Variants in NR6A1 observed in about 807,000 individuals in gnomAD.
NR6A1 encodes the protein nuclear receptor subfamily 6 group A member 1.
In NR6A1, 7 loss-of-function variants were observed where a neutral mutation model predicts 59.1. The observed-to-expected ratio is 0.12, with a 90% CI of 0.07 to 0.22. The LOEUF (loss-of-function observed/expected upper bound fraction) is 0.22, where lower values mean the gene tolerates loss of function less well. Among genes scored for constraint, NR6A1 ranks in the 10% least tolerant of loss-of-function variants. NR6A1 has a pLI of 1.00. For synonymous variants in NR6A1, 243 were observed against 236.1 expected (o/e 1.03, Z -0.27); for missense variants, 468 against 611.6 (o/e 0.77, Z 2.48).
chr9:124,728,972 C>T (rs1174631747), intron 2 of NR6A1, among the ~76,000 whole-genome samples: 5 of 152,030 alleles, frequency 3.3e-5, no homozygotes, highest in East Asian at 1.9e-4. Flanking sequence ...TGTTCAAATA[C>T]GTGATGAGAA....
intron 2 of NR6A1, among the ~76,000 whole-genome samples, chr9:124,729,382 CT>C (rs1248530825): frequency 6.6e-6 from 1 of 151,814 alleles, no homozygotes; most frequent in South Asian, 2.1e-4. Flanking sequence ...GATCACTGTT[CT>C]TTTTTTTATC....
chr9:124,738,229 G>C (rs771701199), intron 1 of NR6A1, among the ~76,000 whole-genome samples: 5 of 152,110 alleles, frequency 3.3e-5, no homozygotes, highest in Non-Finnish European at 5.9e-5. Flanking sequence ...ACTCCAGCCT[G>C]GGCAACAGAG....
At chr9:124,612,997 G>T (rs1047517125) in intron 2 of NR6A1, among the ~76,000 whole-genome samples, 1 of 152,164 alleles carries the variant, frequency 6.6e-6, no homozygotes, top group African/African-American at 2.4e-5. Context: ...TTGTGCAGGA[G>T]TGAGAAGATA....
chr9:124,737,100 T>C (rs1050096982), intron 1 of NR6A1, among the ~76,000 whole-genome samples: 12 of 152,200 alleles, frequency 7.9e-5, no homozygotes, highest in Non-Finnish European at 1.6e-4. Flanking sequence ...CTTGAACTTT[T>C]ACATTTTCAG....
intron 2 of NR6A1, among the ~76,000 whole-genome samples, chr9:124,593,323 T>A (rs1364456951): frequency 6.6e-6 from 1 of 152,056 alleles, no homozygotes; most frequent in Admixed American, 6.6e-5. Context: ...GTTACTCAAA[T>A]CCTAACCAAA....
chr9:124,709,732 G>C (rs142955115), intron 2 of NR6A1, among the ~76,000 whole-genome samples: 1,710 of 123,724 alleles, frequency 0.014, 30 homozygotes, highest in African/African-American at 0.045. Context: ...TCAGGAGTTC[G>C]AGACCAGCCT....
chr9:124,753,432 A>G (rs1036184702), intron 1 of NR6A1, among the ~76,000 whole-genome samples: 8 of 152,256 alleles, frequency 5.3e-5, no homozygotes, highest in African/African-American at 1.9e-4. Flanking sequence ...TAACTATTCA[A>G]TATTTAAAAA....
chr9:124,547,778 G>A (rs1240434654), intron 3 of NR6A1, among the ~76,000 whole-genome samples: 4 of 152,166 alleles, frequency 2.6e-5, no homozygotes, highest in African/African-American at 9.6e-5. Flanking sequence ...CTTCAAAATC[G>A]ACAATGTTAA....
intron 3 of NR6A1, among the ~76,000 whole-genome samples, chr9:124,545,090 C>G (rs1194817563): frequency 6.6e-6 from 1 of 151,648 alleles, no homozygotes; most frequent in East Asian, 2.0e-4. Context: ...AACCCTGTTT[C>G]TGAGGTAACT....
intron 1 of NR6A1, among the ~76,000 whole-genome samples, chr9:124,760,811 G>A (rs1444533235): frequency 1.3e-5 from 2 of 152,214 alleles, no homozygotes; most frequent in African/African-American, 2.4e-5. Context: ...TGACAAAGTC[G>A]CATAGCTGTG....
intron 3 of NR6A1, among the ~76,000 whole-genome samples, chr9:124,548,949 T>G (rs1833688983): frequency 6.6e-6 from 1 of 152,154 alleles, no homozygotes; most frequent in African/African-American, 2.4e-5. Flanking sequence ...TCAATCCATC[T>G]AACCAGGGAG....
intron 2 of NR6A1, among the ~76,000 whole-genome samples, chr9:124,653,708 T>C (rs1463728423): frequency 6.6e-6 from 1 of 152,232 alleles, no homozygotes; most frequent in African/African-American, 2.4e-5. Flanking sequence ...GCCCCTGGCC[T>C]ATACTTTTCA....
chr9:124,628,482 T>C (rs1836316774), intron 2 of NR6A1, among the ~76,000 whole-genome samples: 1 of 152,150 alleles, frequency 6.6e-6, no homozygotes, highest in South Asian at 2.1e-4. Context: ...TAGCTGGAAC[T>C]TCAGGCACAT....
chr9:124,704,750 T>G lies in NR6A1; in HGVS notation c.142+28558A>C, dbSNP rs538187937. ...TTTAGTTAAAAAAAATTTTTGTGTG[T>G]GGGGGGGAAGACAGGGTCTCACTCT... On this transcript the variant is annotated intron_variant, in intron 2 of 9. Coordinates refer to ENST00000487099, the MANE Select transcript of NR6A1 (RefSeq NM_033334.4). Among the ~76,000 whole-genome samples, 102 of 152,210 alleles carry G rather than the reference T, an allele frequency of 6.7e-4. 1 individual carries two copies. Among genetic ancestry groups the G allele is most frequent in the South Asian group, 2.5e-3 (12 of 4,816 alleles).
At chr9:124,554,615 G>T in intron 2 of NR6A1, 45 bp from the exon 3 acceptor site, 2 of 1,612,452 alleles carry the variant, frequency 1.2e-6, no homozygotes, top group Non-Finnish European at 1.7e-6. Flanking sequence ...ATGGCTTTAA[G>T]CCTACAGTTC....
Position 124,678,701 on chromosome 9 carries a change from C to T in NR6A1, c.142+54607G>A, listed in dbSNP as rs186906010. ...AGCACAAATAAGGATCTGCTTCTAACAGTCAAACTCTCTCTAGTTCATTTA... is the reference window on the plus strand; with the variant it reads ...AGCACAAATAAGGATCTGCTTCTAATAGTCAAACTCTCTCTAGTTCATTTA... On this transcript the variant is annotated intron_variant, in intron 2 of 9. Coordinates refer to ENST00000487099, the MANE Select transcript of NR6A1 (RefSeq NM_033334.4). Among the ~76,000 whole-genome samples, 264 of 152,300 alleles carry T rather than the reference C, an allele frequency of 1.7e-3. 1 individual carries two copies. Among genetic ancestry groups the T allele is most frequent in the African/African-American group, 6.1e-3 (252 of 41,572 alleles).
intron 2 of NR6A1, among the ~76,000 whole-genome samples, chr9:124,626,221 G>A (rs1399710253): frequency 6.6e-6 from 1 of 152,170 alleles, no homozygotes; most frequent in East Asian, 1.9e-4. Context: ...GGCCAGGCTG[G>A]TCTTGAACTC....
At chr9:124,590,324 A>T (rs1437975666) in intron 2 of NR6A1, among the ~76,000 whole-genome samples, 1 of 151,856 alleles carries the variant, frequency 6.6e-6, no homozygotes, top group East Asian at 1.9e-4. Flanking sequence ...ATAAGTCACA[A>T]GAAATACCTA....
rs146836825 is a variant in NR6A1 at position 124,656,134 on chromosome 9, T to C, written c.142+77174A>G. ...AAAAGCTGATGGTTTTAAAGTAGTC[T>C]GGCACCTCCTTCTTCTCTCTCTTGC... On this transcript the variant is annotated intron_variant, in intron 2 of 9. Transcript: ENST00000487099. Among the ~76,000 whole-genome samples, 839 of 152,216 alleles carry C rather than the reference T, an allele frequency of 5.5e-3. 7 individuals are homozygous for C. The highest frequency in any genetic ancestry group is 0.019 in the African/African-American group (797 of 41,518).
Sources: allele counts gnomAD v4.1 joint callset (sites outside exome capture counted in the v4.1 genomes callset), GRCh38; gene constraint gnomAD v4.1.1; transcripts MANE v1.5; gene names NCBI Gene and HGNC (gene_info 2026-07-23, HGNC 2026-07-21).